Variants in CCDC32 observed in about 807,000 individuals in gnomAD.
CCDC32 encodes coiled-coil domain containing 32.
CCDC32 carries 9 observed loss-of-function variants against 20.1 expected under a neutral mutation model. That is an observed-to-expected ratio of 0.45 (90% CI 0.27 to 0.78). The LOEUF (loss-of-function observed/expected upper bound fraction) is 0.78, where lower values mean the gene tolerates loss of function less well. Among genes scored for constraint, CCDC32 ranks in the 30% least tolerant of loss-of-function variants. The probability of loss-of-function intolerance (pLI) is 0.16; values close to 1 mark genes in which losing one functional copy is unlikely to be tolerated. For synonymous variants in CCDC32, 63 were observed against 79.0 expected, an observed-to-expected ratio of 0.80 and a Z score of 1.07; for missense variants, 204 against 215.5, an observed-to-expected ratio of 0.95 and a Z score of 0.33.
chr15:40,560,768 A>T (rs1316904992), intron 2 of CCDC32, among the ~76,000 whole-genome samples: 2 of 152,248 alleles, frequency 1.3e-5, no homozygotes, highest in African/African-American at 4.8e-5. Flanking sequence ...TACACTGCTG[A>T]TGGGAATGTA....
intron 1 of CCDC32, chr15:40,564,652 G>A: frequency 6.9e-7 from 1 of 1,453,512 alleles, no homozygotes. Context: ...GTAAAGGCCG[G>A]AAGTAAAAGG....
downstream of CCDC32, chr15:40,534,712 T>C: frequency 1.7e-6 from 1 of 588,416 alleles, no homozygotes; most frequent in Non-Finnish European, 3.0e-6. Flanking sequence ...GAGAACTAGC[T>C]AGGTCTCTGG....
chr15:40,562,562 A>T (rs551831553), intron 2 of CCDC32, among the ~76,000 whole-genome samples: 50 of 152,308 alleles, frequency 3.3e-4, no homozygotes, highest in African/African-American at 1.2e-3. Flanking sequence ...CCTGGGCAAC[A>T]AGAGTGAAAG....
chr15:40,562,219 A>G (rs954087106), intron 2 of CCDC32: 3 of 152,372 alleles, frequency 2.0e-5, no homozygotes, highest in African/African-American at 7.2e-5. Flanking sequence ...ACAGAATGCC[A>G]AGAAATCAAA....
chr15:40,557,687 A>C, intron 2 of CCDC32: 1 of 207,142 alleles, frequency 4.8e-6, no homozygotes. Flanking sequence ...CTCTCTAAGG[A>C]ATGCTTGTTT....
downstream of CCDC32, among the ~76,000 whole-genome samples, chr15:40,550,116 A>G (rs1889788724): frequency 6.6e-6 from 1 of 152,226 alleles, no homozygotes; most frequent in African/African-American, 2.4e-5. Context: ...GTGCCGGGAG[A>G]GAACAGCAGC....
intron 3 of CCDC32, among the ~76,000 whole-genome samples, chr15:40,529,077 T>C (rs1013988877): frequency 2.0e-5 from 3 of 152,222 alleles, no homozygotes; most frequent in Non-Finnish European, 4.4e-5. Context: ...GAAACCTCTG[T>C]GGACCCACAC....
chr15:40,547,913 C>T (rs1280550930), intron 3 of CCDC32, among the ~76,000 whole-genome samples: 1 of 152,232 alleles, frequency 6.6e-6, no homozygotes, highest in Non-Finnish European at 1.5e-5. Flanking sequence ...CACGCACTCT[C>T]GTGTCTAGAA....
downstream of CCDC32, chr15:40,535,797 G>A (rs954085678): frequency 3.1e-6 from 1 of 325,726 alleles, no homozygotes; most frequent in African/African-American, 2.3e-5. Context: ...TCCCTGAAAT[G>A]CTCTGCACAC....
downstream of CCDC32, among the ~76,000 whole-genome samples, chr15:40,552,174 A>T (rs1295921489): frequency 1.3e-5 from 2 of 151,846 alleles, no homozygotes; most frequent in East Asian, 1.9e-4. Flanking sequence ...AAACAAAAAA[A>T]AAATAAAGAA....
downstream of CCDC32, chr15:40,535,219 A>G (rs887781454): frequency 5.3e-5 from 75 of 1,416,466 alleles, no homozygotes; most frequent in Non-Finnish European, 6.6e-5. Context: ...TGGGGAGGCC[A>G]CTTAGGAGAC....
At chr15:40,559,623 T>G (rs1416554714) in intron 2 of CCDC32, among the ~76,000 whole-genome samples, 2 of 152,206 alleles carry the variant, frequency 1.3e-5, no homozygotes, top group Non-Finnish European at 2.9e-5. Context: ...TCCACCTATG[T>G]TTTTCTCATA....
chr15:40,563,341 T>C (rs958806433), intron 1 of CCDC32, among the ~76,000 whole-genome samples: 2 of 152,092 alleles, frequency 1.3e-5, no homozygotes, highest in Non-Finnish European at 2.9e-5. Context: ...CCAGCCTGGG[T>C]GACATTGCGA....
chr15:40,556,377 T>C (rs1890237563), intron 3 of CCDC32, among the ~76,000 whole-genome samples: 1 of 152,232 alleles, frequency 6.6e-6, no homozygotes, highest in Admixed American at 6.5e-5. Context: ...TATATATATT[T>C]GTCATCTGCC....
downstream of CCDC32, chr15:40,535,263 A>C (rs1431401090): frequency 1.1e-5 from 15 of 1,365,450 alleles, no homozygotes; most frequent in Non-Finnish European, 1.3e-5. Context: ...GCAATGACTA[A>C]TTAAATGAAA....
intron 3 of CCDC32, among the ~76,000 whole-genome samples, chr15:40,539,840 C>CACACA (rs1555413863): frequency 2.2e-5 from 3 of 134,542 alleles, no homozygotes; most frequent in East Asian, 4.9e-4. Context: ...CAAACTGTTG[C>CACACA]CACACACACA....
At chr15:40,529,245 T>C (rs1888808458) in intron 3 of CCDC32, among the ~76,000 whole-genome samples, 1 of 152,230 alleles carries the variant, frequency 6.6e-6, no homozygotes, top group Non-Finnish European at 1.5e-5. Context: ...TGTTTTCAGA[T>C]GACAGAGGTC....
intron 1 of CCDC32, among the ~76,000 whole-genome samples, chr15:40,564,549 A>G (rs1243602187): frequency 6.6e-6 from 1 of 152,178 alleles, no homozygotes; most frequent in Non-Finnish European, 1.5e-5. Flanking sequence ...CATATGAGAC[A>G]GGCTGACACC....
downstream of CCDC32, among the ~76,000 whole-genome samples, chr15:40,523,945 C>G (rs143291365): frequency 6.2e-4 from 94 of 152,018 alleles, no homozygotes; most frequent in South Asian, 5.6e-3. Flanking sequence ...TGGTATTTAC[C>G]CAAGATAAAA....
Sources: allele counts gnomAD v4.1 joint callset (sites outside exome capture counted in the v4.1 genomes callset), GRCh38; gene constraint gnomAD v4.1.1; transcripts MANE v1.5; gene names NCBI Gene and HGNC (gene_info 2026-07-23, HGNC 2026-07-21).